The following PSD3 variants were observed in gnomAD, a reference collection of about 807,000 sequenced individuals.
PSD3 encodes PH and SEC7 domain-containing protein 3.
PSD3 carries 49 observed loss-of-function variants against 105.5 expected under a neutral mutation model. That is an observed-to-expected ratio of 0.46 (90% CI 0.37 to 0.59). The LOEUF (loss-of-function observed/expected upper bound fraction) is 0.59. PSD3 is among the 20% of genes least tolerant of loss of function. PSD3 has a pLI of 0.00. For missense variants in PSD3, 1,561 were observed against 1,263.8 expected, an observed-to-expected ratio of 1.24 and a Z score of -3.57; for synonymous variants, 557 against 457.8, an observed-to-expected ratio of 1.22 and a Z score of -2.77.
intron 9 of PSD3, among the ~76,000 whole-genome samples, chr8:18,711,112 C>T (rs569965105): frequency 4.1e-4 from 63 of 152,270 alleles, no homozygotes; most frequent in African/African-American, 1.5e-3. Flanking sequence ...ACCACCAGAC[C>T]TGCCTTGCAA....
intron 1 of PSD3, among the ~76,000 whole-genome samples, chr8:18,999,100 C>G (rs748366169): frequency 3.9e-5 from 6 of 151,972 alleles, no homozygotes; most frequent in Non-Finnish European, 7.4e-5. Context: ...TGATGTGAGG[C>G]AGACAAATGC....
chr8:18,932,384 A>G (rs1402614748), intron 2 of PSD3, among the ~76,000 whole-genome samples: 3 of 152,192 alleles, frequency 2.0e-5, no homozygotes, highest in Non-Finnish European at 4.4e-5. Flanking sequence ...AGAGAGTTTC[A>G]AAAACACACA....
chr8:18,883,707 T>C (rs1404390564), intron 2 of PSD3, among the ~76,000 whole-genome samples: 1 of 152,224 alleles, frequency 6.6e-6, no homozygotes, highest in East Asian at 1.9e-4. Flanking sequence ...TATCTTTGGA[T>C]GCGTTGCTTT....
chr8:19,033,513 TCTTC>T (rs1274154056), intron 1 of PSD3, among the ~76,000 whole-genome samples: 2 of 151,492 alleles, frequency 1.3e-5, no homozygotes, highest in African/African-American at 2.4e-5. Flanking sequence ...TTAAAACGTC[TCTTC>T]CTTCCTTCTC....
intron 15 of PSD3, among the ~76,000 whole-genome samples, chr8:18,543,285 C>G (rs1266221643): frequency 6.6e-6 from 1 of 151,898 alleles, no homozygotes; most frequent in Non-Finnish European, 1.5e-5. Flanking sequence ...TGCTGTATTT[C>G]TTTATTAAGC....
At chr8:19,052,133 T>C (rs770084114) in intron 1 of PSD3, among the ~76,000 whole-genome samples, 2 of 151,988 alleles carry the variant, frequency 1.3e-5, no homozygotes, top group Non-Finnish European at 2.9e-5. Flanking sequence ...GCAAGGATGG[T>C]CCAGAAAAGC....
intron 1 of PSD3, among the ~76,000 whole-genome samples, chr8:19,068,725 C>T (rs1050574498): frequency 6.6e-5 from 10 of 150,460 alleles, no homozygotes; most frequent in East Asian, 2.0e-4. Flanking sequence ...CAAACATGCA[C>T]GTTGTGCACA....
chr8:19,032,569 G>C (rs1451257896), intron 1 of PSD3, among the ~76,000 whole-genome samples: 3 of 150,470 alleles, frequency 2.0e-5, no homozygotes, highest in Non-Finnish European at 2.9e-5. Context: ...AGTATTGCTT[G>C]AGCTCGGGAG....
At position 18,550,303 on chromosome 8, in the gene PSD3, T is replaced by G. The variant is rs968797425; in HGVS notation, c.2928+5906A>C. 2.0e-5 allele frequency among the ~76,000 whole-genome samples: 3 copies of G among 152,222 alleles called. No individual in the cohort carries two copies. In the South Asian group the frequency reaches 6.2e-4, roughly 31 times the overall value. ...TCTCTTCAAAAGCAGCTGTTATCAT[T>G]TAAAGATTAAAATTCAGAGCTCTTA... is the stretch of plus-strand genomic sequence containing the variant. On this transcript the variant is annotated intron_variant, in intron 15 of 15. Coordinates refer to ENST00000327040, the MANE Select transcript of PSD3 (RefSeq NM_015310.4).
intron 1 of PSD3, among the ~76,000 whole-genome samples, chr8:19,072,398 C>T (rs902731414): frequency 6.6e-6 from 1 of 152,172 alleles, no homozygotes; most frequent in South Asian, 2.1e-4. Flanking sequence ...GTTTTCTGAA[C>T]ATTTCTAAGC....
rs74620127 is a variant in PSD3 at position 19,054,083 on chromosome 8, C to G, written c.324+30123G>C. Reference sequence around the variant, plus strand: ...GGGCCTGATGTACAGCACTGCTAGACCAGGTCCCTGAAACTCCCCTTCATG... The same window carrying G: ...GGGCCTGATGTACAGCACTGCTAGAGCAGGTCCCTGAAACTCCCCTTCATG... On this transcript the variant is annotated intron_variant, in intron 1 of 1. Coordinates refer to the PSD3 transcript ENST00000521475. 5.9e-5 allele frequency among the ~76,000 whole-genome samples: 9 copies of G among 152,332 alleles called. No individual in the cohort carries two copies. In the East Asian group the frequency reaches 1.5e-3, roughly 26 times the overall value.
intron 2 of PSD3, among the ~76,000 whole-genome samples, chr8:18,881,812 CAATTAT>C (rs1396658003): frequency 5.3e-5 from 8 of 152,290 alleles, no homozygotes; most frequent in Middle Eastern, 6.8e-3. Flanking sequence ...GCTTTCTTTA[CAATTAT>C]ATCTCCAGAG....
chr8:18,660,597 G>T (rs79289807), intron 9 of PSD3, among the ~76,000 whole-genome samples: 3,610 of 152,254 alleles, frequency 0.024, 109 homozygotes, highest in East Asian at 0.13. Context: ...ATGTGACAGT[G>T]CACAAGAAAA....
intron 2 of PSD3, among the ~76,000 whole-genome samples, chr8:18,922,979 C>T (rs1010735417): frequency 2.0e-5 from 3 of 152,082 alleles, no homozygotes; most frequent in Non-Finnish European, 2.9e-5. Context: ...TTTATGGAGG[C>T]CTCATTAGTA....
chr8:18,946,516 G>A (rs1216007058), intron 1 of PSD3, among the ~76,000 whole-genome samples: 3 of 152,146 alleles, frequency 2.0e-5, no homozygotes, highest in African/African-American at 7.2e-5. Context: ...AGAAGGTTGA[G>A]GCTGTAGTGA....
At chr8:18,603,143 ACATGTGAGCC>A (rs1166058859) in intron 11 of PSD3, among the ~76,000 whole-genome samples, 1 of 152,240 alleles carries the variant, frequency 6.6e-6, no homozygotes, top group African/African-American at 2.4e-5. Context: ...ACACCATTTT[ACATGTGAGCC>A]CATCTTTTCA....
chr8:19,045,298 G>A (rs997482332), intron 1 of PSD3, among the ~76,000 whole-genome samples: 9 of 152,208 alleles, frequency 5.9e-5, no homozygotes, highest in African/African-American at 1.9e-4. Context: ...AGTCAGTAAA[G>A]GGAAAATTTT....
intron 8 of PSD3, among the ~76,000 whole-genome samples, chr8:18,787,630 G>A (rs1809294308): frequency 6.6e-6 from 1 of 152,042 alleles, no homozygotes; most frequent in South Asian, 2.1e-4. Context: ...CTATATCGGA[G>A]GCCTACGTCA....
At chr8:19,068,027 T>C (rs1829133616) in intron 1 of PSD3, among the ~76,000 whole-genome samples, 1 of 152,086 alleles carries the variant, frequency 6.6e-6, no homozygotes, top group African/African-American at 2.4e-5. Context: ...TCCACAAGCC[T>C]GAAAGTTCAA....
Sources: allele counts gnomAD v4.1 joint callset (sites outside exome capture counted in the v4.1 genomes callset), GRCh38; gene constraint gnomAD v4.1.1; transcripts MANE v1.5; gene names NCBI Gene and HGNC (gene_info 2026-07-23, HGNC 2026-07-21).